THSD7B: variants seen among roughly 807,000 people sequenced by gnomAD.
THSD7B encodes the protein thrombospondin type-1 domain-containing protein 7B.
A neutral mutation model predicts 213.6 loss-of-function variants in THSD7B; 138 were observed. The ratio of observed to expected loss-of-function variants is 0.65; its 90% CI spans 0.56 to 0.74. The LOEUF (loss-of-function observed/expected upper bound fraction) is 0.74. Among genes scored for constraint, THSD7B ranks in the 30% least tolerant of loss-of-function variants. The probability of loss-of-function intolerance (pLI) is 0.00; values close to 1 mark genes in which losing one functional copy is unlikely to be tolerated. For missense variants in THSD7B, 1,931 were observed against 1,991.5 expected (o/e 0.97, Z 0.58); for synonymous variants, 742 against 687.0 (o/e 1.08, Z -1.25).
At chr2:137,197,237 A>G (rs1201252377) in intron 7 of THSD7B, among the ~76,000 whole-genome samples, 1 of 152,188 alleles carries the variant, frequency 6.6e-6, no homozygotes, top group Non-Finnish European at 1.5e-5. Flanking sequence ...CGACAGCATT[A>G]TTTCCAGTGT....
chr2:137,287,003 G>A (rs552722244), intron 12 of THSD7B, among the ~76,000 whole-genome samples: 2 of 152,180 alleles, frequency 1.3e-5, no homozygotes, highest in South Asian at 2.1e-4. Flanking sequence ...ATTTAACCAC[G>A]CTATTTTTAA....
At chr2:137,494,824 A>G (rs1679522547) in intron 15 of THSD7B, among the ~76,000 whole-genome samples, 1 of 152,110 alleles carries the variant, frequency 6.6e-6, no homozygotes, top group Non-Finnish European at 1.5e-5. Context: ...ACATGCAAAC[A>G]TCTTTTCTTT....
At chr2:137,389,447 G>C (rs1430558111) in intron 12 of THSD7B, among the ~76,000 whole-genome samples, 1 of 56,994 alleles carries the variant, frequency 1.8e-5, no homozygotes, top group Admixed American at 2.9e-4. Flanking sequence ...AGTTGTTTGA[G>C]TTCCTTCTAT....
intron 12 of THSD7B, among the ~76,000 whole-genome samples, chr2:137,389,193 C>CATATATATAT (rs59969102): frequency 0.053 from 6,676 of 127,046 alleles, 222 homozygotes; most frequent in Middle Eastern, 0.069. Context: ...ATATATCTGT[C>CATATATATAT]ATATATATAT....
At chr2:137,238,774 C>T (rs1477607912) in intron 9 of THSD7B, among the ~76,000 whole-genome samples, 5 of 150,158 alleles carry the variant, frequency 3.3e-5, no homozygotes, top group Admixed American at 1.3e-4. Flanking sequence ...AGGATGGTCT[C>T]GATCTCCTGA....
At chr2:137,361,818 T>C (rs1007666645) in intron 12 of THSD7B, among the ~76,000 whole-genome samples, 5 of 152,160 alleles carry the variant, frequency 3.3e-5, no homozygotes, top group Admixed American at 1.3e-4. Context: ...TTCAGGATAT[T>C]ATCCAGGAGA....
chr2:137,275,188 G>A (rs1048213053), intron 11 of THSD7B, among the ~76,000 whole-genome samples: 15 of 152,062 alleles, frequency 9.9e-5, no homozygotes, highest in African/African-American at 3.1e-4. Context: ...AAGGTGAAAA[G>A]ATTTCCTTCA....
intron 21 of THSD7B, among the ~76,000 whole-genome samples, chr2:137,649,939 TA>T (rs879915440): frequency 1.1e-3 from 162 of 145,032 alleles, no homozygotes; most frequent in Admixed American, 1.3e-3. Context: ...CTACTAAAAT[TA>T]AAAAAAAAAA....
chr2:137,103,375 T>G, intron 4 of THSD7B, among the ~76,000 whole-genome samples: 1 of 152,152 alleles, frequency 6.6e-6, no homozygotes, highest in African/African-American at 2.4e-5. Context: ...CAAGAGCTCC[T>G]GAAGGAAGCA....
intron 7 of THSD7B, among the ~76,000 whole-genome samples, chr2:137,228,590 C>T (rs990581853): frequency 1.3e-5 from 2 of 152,182 alleles, no homozygotes; most frequent in African/African-American, 4.8e-5. Flanking sequence ...TAACTATCTT[C>T]CAGATACCTC....
chr2:137,386,057 C>T (rs1685887168), intron 12 of THSD7B, among the ~76,000 whole-genome samples: 2 of 152,158 alleles, frequency 1.3e-5, no homozygotes, highest in Non-Finnish European at 2.9e-5. Flanking sequence ...GAAGTTCCTA[C>T]TGAAGTGAGT....
intron 12 of THSD7B, among the ~76,000 whole-genome samples, chr2:137,389,818 A>C (rs959758636): frequency 3.3e-5 from 5 of 152,112 alleles, no homozygotes; most frequent in African/African-American, 1.2e-4. Flanking sequence ...CAATTTATTA[A>C]AAAGGGTTTC....
chr2:137,477,908 C>T (rs1688225475), intron 15 of THSD7B, among the ~76,000 whole-genome samples: 2 of 151,594 alleles, frequency 1.3e-5, no homozygotes, highest in Admixed American at 1.3e-4. Flanking sequence ...AATATATTGT[C>T]CCATTCTTTC....
intron 2 of THSD7B, among the ~76,000 whole-genome samples, chr2:137,047,383 A>G (rs775406683): frequency 1.3e-5 from 2 of 152,226 alleles, no homozygotes; most frequent in African/African-American, 2.4e-5. Flanking sequence ...TGATTATGCC[A>G]TGTTGTTACC....
chr2:136,855,234 A>G (rs1683159035), intron 1 of THSD7B, among the ~76,000 whole-genome samples: 1 of 152,174 alleles, frequency 6.6e-6, no homozygotes, highest in Non-Finnish European at 1.5e-5. Context: ...CATCTTGACT[A>G]AAATTTGAGT....
intron 7 of THSD7B, among the ~76,000 whole-genome samples, chr2:137,215,636 C>T (rs763042736): frequency 6.6e-6 from 1 of 152,098 alleles, no homozygotes; most frequent in Admixed American, 6.6e-5. Context: ...CTTGGAAGAC[C>T]ACTTGAACTC....
intron 3 of THSD7B, among the ~76,000 whole-genome samples, chr2:137,064,784 C>T (rs1013243471): frequency 2.0e-5 from 3 of 151,884 alleles, no homozygotes; most frequent in Non-Finnish European, 4.4e-5. Context: ...AGTGTATGTT[C>T]TTGATACCTT....
At chr2:136,874,935 A>G (rs1683502169) in intron 1 of THSD7B, among the ~76,000 whole-genome samples, 1 of 151,760 alleles carries the variant, frequency 6.6e-6, no homozygotes, top group Non-Finnish European at 1.5e-5. Context: ...TTTGTGTTTT[A>G]CAAACAGAGG....
At chr2:137,297,441 T>G (rs1257615271) in intron 12 of THSD7B, among the ~76,000 whole-genome samples, 2 of 151,972 alleles carry the variant, frequency 1.3e-5, no homozygotes, top group Non-Finnish European at 2.9e-5. Flanking sequence ...TTTTCTTTCT[T>G]TTTTTAAGCT....
Sources: allele counts gnomAD v4.1 joint callset (sites outside exome capture counted in the v4.1 genomes callset), GRCh38; gene constraint gnomAD v4.1.1; transcripts MANE v1.5; gene names NCBI Gene and HGNC (gene_info 2026-07-23, HGNC 2026-07-21).